The following HIGD1C variants were observed in gnomAD, a reference collection of about 807,000 sequenced individuals.
The protein encoded by HIGD1C is HIG1 domain family member 1C.
Under a neutral mutation model 13.1 loss-of-function variants are expected in HIGD1C, and 11 were observed. That is an observed-to-expected ratio of 0.84 (90% confidence interval 0.53 to 1.39). The LOEUF is 1.39. HIGD1C is among the 40% of genes most tolerant of loss of function. The probability of loss-of-function intolerance (pLI) is 0.00; values close to 1 mark genes in which losing one functional copy is unlikely to be tolerated. For missense variants in HIGD1C, 110 were observed against 112.0 expected (o/e 0.98, Z 0.08); for synonymous variants, 36 against 37.7 (o/e 0.95, Z 0.17).
chr12:50,941,539 G>T, the HIGD1C span, among the ~76,000 whole-genome samples: 1 of 152,200 alleles, frequency 6.6e-6, no homozygotes, highest in Non-Finnish European at 1.5e-5. Context: ...GGTGGGAGGG[G>T]CGGTATGGTC....
At chr12:50,940,722 C>CAAA in the HIGD1C span, among the ~76,000 whole-genome samples, 18,224 of 104,614 alleles carry the variant, frequency 0.17, 1,477 homozygotes, top group South Asian at 0.31. Context: ...GACCCCATCT[C>CAAA]AAAAAAAAAA....
At chr12:50,958,734 A>G (rs1939209353) in intron 1 of HIGD1C, among the ~76,000 whole-genome samples, 1 of 151,608 alleles carries the variant, frequency 6.6e-6, no homozygotes, top group African/African-American at 2.4e-5. Flanking sequence ...CCCAAAAAAT[A>G]GGCCGGGCAC....
chr12:50,962,494 G>A (rs1418704395), intron 2 of HIGD1C, among the ~76,000 whole-genome samples: 1 of 152,164 alleles, frequency 6.6e-6, no homozygotes, highest in South Asian at 2.1e-4. Context: ...AGGGTCAGGA[G>A]TTCAAGACCA....
At chr12:50,954,161 C>A (rs928738691) in intron 1 of HIGD1C, 69 bp downstream of exon 3, 18 of 901,592 alleles carry the variant, frequency 2.0e-5, no homozygotes, top group Middle Eastern at 4.4e-4. Context: ...AGTGCCTTTG[C>A]GGATTGAAAT....
chr12:50,957,937 G>GGTGTGTGT (rs71089717), intron 1 of HIGD1C, among the ~76,000 whole-genome samples: 8,300 of 132,314 alleles, frequency 0.063, 370 homozygotes, highest in Non-Finnish European at 0.075. Flanking sequence ...ATGAATTGGA[G>GGTGTGTGT]GTGTGTGTGT....
chr12:50,960,990 G>A (rs1193465752), exon 2 of HIGD1C: 4 of 1,599,434 alleles, frequency 2.5e-6, no homozygotes, highest in Non-Finnish European at 3.4e-6. Context: ...TTGTGACTGT[G>A]GTGTCCTGTG....
chr12:50,941,317 T>G, the HIGD1C span, among the ~76,000 whole-genome samples: 1 of 152,314 alleles, frequency 6.6e-6, no homozygotes. Flanking sequence ...GGAGGAAACA[T>G]TGGAGAAAGT....
At chr12:50,965,099 TTA>T (rs1250981466) in intron 2 of HIGD1C, among the ~76,000 whole-genome samples, 1 of 152,000 alleles carries the variant, frequency 6.6e-6, no homozygotes, top group East Asian at 1.9e-4. Context: ...TGCTTTTGTT[TTA>T]TGTTTGTGGG....
the HIGD1C span, among the ~76,000 whole-genome samples, chr12:50,936,517 C>T: frequency 1.3e-5 from 2 of 152,220 alleles, no homozygotes; most frequent in Non-Finnish European, 2.9e-5. Flanking sequence ...TATTTCTTGT[C>T]CAAGGCCATG....
upstream of HIGD1C, chr12:50,949,523 CTTCTT>C (rs1565952900): frequency 8.1e-6 from 1 of 123,926 alleles, no homozygotes; most frequent in Non-Finnish European, 1.6e-5. Context: ...TCTTTGAATG[CTTCTT>C]TTTTTTTTTT....
At chr12:50,971,598 C>T (rs111965609), downstream of HIGD1C, among the ~76,000 whole-genome samples, 2,835 of 152,248 alleles carry the variant, frequency 0.019, 77 homozygotes, top group African/African-American at 0.064. Context: ...CCTTGGACTC[C>T]GCTCTAACTG....
chr12:50,970,637 T>C, downstream of HIGD1C: 1 of 617,132 alleles, frequency 1.6e-6, no homozygotes, highest in Non-Finnish European at 2.8e-6. Flanking sequence ...GTATTTCAAG[T>C]CTCAGTGTTT....
At chr12:50,956,992 T>A (rs550100851) in intron 1 of HIGD1C, among the ~76,000 whole-genome samples, 1 of 148,620 alleles carries the variant, frequency 6.7e-6, no homozygotes, top group East Asian at 1.9e-4. Flanking sequence ...ATTTTGTTAT[T>A]TTTTTTTTTG....
At chr12:50,963,140 C>T (rs1050825857) in intron 2 of HIGD1C, among the ~76,000 whole-genome samples, 1 of 151,842 alleles carries the variant, frequency 6.6e-6, no homozygotes, top group Non-Finnish European at 1.5e-5. Flanking sequence ...GAGGCCGAGG[C>T]AGGGGTATCA....
At chr12:50,933,126 G>T in the HIGD1C span, among the ~76,000 whole-genome samples, 2 of 152,220 alleles carry the variant, frequency 1.3e-5, no homozygotes, top group African/African-American at 4.8e-5. Flanking sequence ...GAGGTGTAGA[G>T]AAATAAATAA....
chr12:50,958,243 T>C (rs1436739964), intron 1 of HIGD1C, among the ~76,000 whole-genome samples: 2 of 151,876 alleles, frequency 1.3e-5, no homozygotes, highest in Non-Finnish European at 2.9e-5. Flanking sequence ...TTCTAAATCT[T>C]ATATGGAAAG....
At chr12:50,942,867 CTTTTT>C in the HIGD1C span, among the ~76,000 whole-genome samples, 1 of 140,340 alleles carries the variant, frequency 7.1e-6, no homozygotes, top group Non-Finnish European at 1.5e-5. Flanking sequence ...TTTCTCTTCT[CTTTTT>C]TTTTTTTTTT....
chr12:50,949,578 G>C (rs1366266249), upstream of HIGD1C, among the ~76,000 whole-genome samples: 1 of 128,794 alleles, frequency 7.8e-6, no homozygotes, highest in Non-Finnish European at 1.5e-5. Flanking sequence ...CTGTCGTCCA[G>C]GCTGGAATGC....
chr12:50,954,520 GTT>G (rs1487184893), intron 1 of HIGD1C, among the ~76,000 whole-genome samples: 3 of 152,214 alleles, frequency 2.0e-5, no homozygotes, highest in Non-Finnish European at 4.4e-5. Context: ...TACATCTTCT[GTT>G]TATAGATTTT....
Sources: gnomAD v4.1 joint callset for allele counts (sites outside exome capture counted in the v4.1 genomes callset) on GRCh38, gnomAD v4.1.1 for gene constraint, MANE v1.5 for transcripts, NCBI Gene and HGNC (gene_info 2026-07-23, HGNC 2026-07-21) for gene names.